The following EPHA4 variants were observed in gnomAD, a reference collection of about 807,000 sequenced individuals.
The protein encoded by EPHA4 is EPH receptor A4, also known as ephrin type-A receptor 4.
In EPHA4, 19 loss-of-function variants were observed where a neutral mutation model predicts 108.3. The observed-to-expected ratio is 0.18, with a 90% confidence interval of 0.12 to 0.26. The LOEUF (loss-of-function observed/expected upper bound fraction) is 0.26. Among genes scored for constraint, EPHA4 ranks in the 10% least tolerant of loss-of-function variants. The probability of loss-of-function intolerance (pLI) is 1.00; values close to 1 mark genes in which losing one functional copy is unlikely to be tolerated. For missense variants in EPHA4, 917 were observed against 1,254.0 expected (o/e 0.73, Z 4.06); for synonymous variants, 449 against 455.5 (o/e 0.99, Z 0.18).
Position 221,566,942 on chromosome 2 carries a change from AG to A in EPHA4, c.159+1775del, listed in dbSNP as rs1559297323. Among the ~76,000 whole-genome samples, 115 of 57,786 alleles carry A rather than the reference AG, an allele frequency of 2.0e-3. 31 individuals carry two copies. Among genetic ancestry groups the A allele is most frequent in the African/African-American group, 5.0e-3 (48 of 9,614 alleles). The allele number at this position is 57,786 out of a possible 152,430, so 37.9% of individuals were successfully genotyped here. Reference sequence around the variant, plus strand: ...AAGGAGAAGGAGAAGGAGAAGGAGAAGGAGAAGGAGAAGGGGAAGAGGAAGA... The same window carrying A: ...AAGGAGAAGGAGAAGGAGAAGGAGAAGAGAAGGAGAAGGGGAAGAGGAAGA... On this transcript the variant is annotated intron_variant, in intron 2 of 17. Coordinates refer to ENST00000281821, the MANE Select transcript of EPHA4 (RefSeq NM_004438.5).
chr2:221,462,344 T>G (rs1360591540), intron 5 of EPHA4, among the ~76,000 whole-genome samples: 2 of 152,076 alleles, frequency 1.3e-5, no homozygotes, highest in Admixed American at 1.3e-4. Flanking sequence ...ATGTCAATTT[T>G]CCTGGTCTAA....
chr2:221,420,707 T>C (rs1689733490), intron 17 of EPHA4, among the ~76,000 whole-genome samples, 155 bp from the exon 18 acceptor site: 1 of 151,690 alleles, frequency 6.6e-6, no homozygotes, highest in African/African-American at 2.4e-5. Flanking sequence ...ATACTTTCCT[T>C]TTCTGAAAAA....
At position 221,528,766 on chromosome 2, in the gene EPHA4, A is replaced by G. The variant is rs530054289; in HGVS notation, c.824-27594T>C. ...TTCCCCATCCTCTGATGCCACTTCT[A>G]TACATTTTTTAGCCTTGGCTTCTGG... On this transcript the variant is annotated intron_variant, in intron 3 of 17. Transcript: ENST00000281821. 7.4e-4 allele frequency among the ~76,000 whole-genome samples: 113 copies of G among 152,218 alleles called. 2 individuals are homozygous for G. The highest frequency in any genetic ancestry group is 2.5e-3 in the South Asian group (12 of 4,800).
At chr2:221,496,253 T>C (rs968438491) in intron 4 of EPHA4, among the ~76,000 whole-genome samples, 1 of 152,160 alleles carries the variant, frequency 6.6e-6, no homozygotes, top group African/African-American at 2.4e-5. Flanking sequence ...TCTGTGGTGA[T>C]AGAAACGTTC....
At position 221,436,532 on chromosome 2, in the gene EPHA4, G is replaced by C. The variant is rs200282869; in HGVS notation, c.2213C>G (p.Ser738Cys). Residue 738 changes from serine to cysteine, a missense_variant, in exon 13 of 18, where the codon TCT (serine) becomes TGT (cysteine). By Grantham distance (112) the Ser-to-Cys change is moderately radical (BLOSUM62 -1). Around this residue, in one of 3 missense-constraint regions of EPHA4, gnomAD observed 758 missense variants for 1,076.7 expected, o/e 0.70. Transcript: ENST00000281821. ...RGIGSGMKYL[S>C]DMSYVHRDLA... ...ATCACGATGCACATAGCTCATATCA[G>C]ATAAATACTTCATCCCAGACCCAAT... 6.6e-5 allele frequency: 107 copies of C among 1,614,006 alleles called. No individual in the cohort carries two copies. The highest frequency in any genetic ancestry group is 7.1e-5 in the Non-Finnish European group (84 of 1,180,026).
chr2:221,484,243 T>C (rs1461527091), intron 4 of EPHA4, among the ~76,000 whole-genome samples: 2 of 152,214 alleles, frequency 1.3e-5, no homozygotes, highest in Non-Finnish European at 2.9e-5. Flanking sequence ...TAAGAAATCA[T>C]ATTCAATATT....
At chr2:221,566,953 AAG>A (rs1559297395) in intron 2 of EPHA4, among the ~76,000 whole-genome samples, 1,300 of 84,848 alleles carry the variant, frequency 0.015, 400 homozygotes, top group Middle Eastern at 0.029. Context: ...GGAGAAGGAG[AAG>A]GGGAAGAGGA....
intron 3 of EPHA4, among the ~76,000 whole-genome samples, chr2:221,560,220 C>T (rs1005158068): frequency 6.6e-6 from 1 of 151,536 alleles, no homozygotes; most frequent in African/African-American, 2.4e-5. Flanking sequence ...AAGTAGGTGA[C>T]CTTTCACCTG....
chr2:221,437,873 A>C (rs1690295021), intron 11 of EPHA4, among the ~76,000 whole-genome samples: 1 of 147,220 alleles, frequency 6.8e-6, no homozygotes, highest in African/African-American at 2.5e-5. Flanking sequence ...TAGTGAGCCG[A>C]GATTGCGTCA....
At chr2:221,465,984 T>C (rs1314788141) in intron 5 of EPHA4, among the ~76,000 whole-genome samples, 1 of 152,154 alleles carries the variant, frequency 6.6e-6, no homozygotes, top group Non-Finnish European at 1.5e-5. Flanking sequence ...TGAAAGGCCT[T>C]TGGGTTCCCT....
intron 3 of EPHA4, among the ~76,000 whole-genome samples, chr2:221,555,843 A>C (rs1694289291): frequency 1.3e-5 from 2 of 152,356 alleles, no homozygotes; most frequent in Admixed American, 6.5e-5. Context: ...ATTGCTGCCT[A>C]ATTTTATAGA....
intron 5 of EPHA4, among the ~76,000 whole-genome samples, chr2:221,461,001 A>G (rs548892817): frequency 6.6e-6 from 1 of 152,370 alleles, no homozygotes; most frequent in East Asian, 1.9e-4. Flanking sequence ...TAATTACTTG[A>G]AATTAAATGA....
chr2:221,494,961 G>C (rs537618453), intron 4 of EPHA4, among the ~76,000 whole-genome samples: 1 of 128,476 alleles, frequency 7.8e-6, no homozygotes, highest in East Asian at 2.5e-4. Flanking sequence ...TGGCAGCCCT[G>C]AATGTGCAGA....
At chr2:221,531,849 A>AT (rs1693529193) in intron 3 of EPHA4, among the ~76,000 whole-genome samples, 1 of 152,164 alleles carries the variant, frequency 6.6e-6, no homozygotes, top group East Asian at 1.9e-4. Flanking sequence ...GAAGGCCATG[A>AT]TTTTTTTCTC....
intron 8 of EPHA4, among the ~76,000 whole-genome samples, chr2:221,454,660 G>T (rs1559247953): frequency 6.6e-6 from 1 of 152,130 alleles, no homozygotes. Flanking sequence ...GACAAAGAAG[G>T]CCCAGATGTG....
chr2:221,512,714 T>G (rs1692865308), intron 3 of EPHA4, among the ~76,000 whole-genome samples: 1 of 152,224 alleles, frequency 6.6e-6, no homozygotes, highest in Non-Finnish European at 1.5e-5. Context: ...ATGTAGAAAT[T>G]TCATCCCTTA....
chr2:221,567,289 G>A (rs1278809055), intron 2 of EPHA4, among the ~76,000 whole-genome samples: 2 of 152,256 alleles, frequency 1.3e-5, no homozygotes, highest in East Asian at 1.9e-4. Context: ...AACCTACCAA[G>A]CAATACCCCT....
chr2:221,571,599 C>T lies in EPHA4; in HGVS notation c.91+559G>A, dbSNP rs2106216992. ...TGGCGAGGAGAAAGGTGTCTGACTC[C>T]GGGTGCTAGAAATCAGGTCACTGGC... On this transcript the variant is annotated intron_variant, in intron 1 of 17. Coordinates refer to ENST00000281821, the MANE Select transcript of EPHA4 (RefSeq NM_004438.5). The surrounding 1 kb of genome is among the most constrained non-coding windows in gnomAD (Gnocchi z 6.3). 6.6e-6 allele frequency among the ~76,000 whole-genome samples: 1 copy of T among 152,198 alleles called. No individual in the cohort carries two copies. The highest frequency in any genetic ancestry group is 2.4e-5 in the African/African-American group (1 of 41,570).
At chr2:221,517,702 C>T (rs1227823215) in intron 3 of EPHA4, among the ~76,000 whole-genome samples, 1 of 152,164 alleles carries the variant, frequency 6.6e-6, no homozygotes, top group Non-Finnish European at 1.5e-5. Flanking sequence ...TTTGATTTTC[C>T]CCTTGGCTGT....
Sources: gnomAD v4.1 joint callset for allele counts (sites outside exome capture counted in the v4.1 genomes callset) on GRCh38, gnomAD v4.1.1 for gene constraint, gnomAD v4.1.1 regional missense constraint, Gnocchi (gnomAD v3.1) non-coding constraint, MANE v1.5 for transcripts, NCBI Gene and HGNC (gene_info 2026-07-23, HGNC 2026-07-21) for gene names.